Variants in MARCHF3 observed in about 807,000 individuals in gnomAD.
MARCHF3 encodes E3 ubiquitin-protein ligase MARCHF3.
A neutral mutation model predicts 24.2 loss-of-function variants in MARCHF3; 13 were observed. The observed-to-expected ratio is 0.54, with a 90% CI of 0.35 to 0.85. The LOEUF (loss-of-function observed/expected upper bound fraction) is 0.85. Among genes scored for constraint, MARCHF3 ranks in the 40% least tolerant of loss-of-function variants. The pLI, the probability that MARCHF3 is intolerant of heterozygous loss-of-function variation, is 0.01. For synonymous variants in MARCHF3, 144 were observed against 137.3 expected, an observed-to-expected ratio of 1.05 and a Z score of -0.34; for missense variants, 276 against 325.0, an observed-to-expected ratio of 0.85 and a Z score of 1.16.
At chr5:126,961,080 T>A (rs1329779485) in intron 1 of MARCHF3, among the ~76,000 whole-genome samples, 2 of 152,116 alleles carry the variant, frequency 1.3e-5, no homozygotes. Flanking sequence ...GATAATAAGA[T>A]GAGGTGTTAG....
intron 1 of MARCHF3, among the ~76,000 whole-genome samples, 155 bp from the exon 2 acceptor site, chr5:126,918,382 G>GCACACA (rs112284753): frequency 1.5e-4 from 22 of 149,530 alleles, no homozygotes; most frequent in African/African-American, 5.4e-4. Flanking sequence ...TAATACAAGT[G>GCACACA]CACACACACA....
intron 3 of MARCHF3, among the ~76,000 whole-genome samples, chr5:126,909,462 A>T (rs1481144604): frequency 1.3e-5 from 2 of 152,202 alleles, no homozygotes. Context: ...CTGTGCTAGC[A>T]ATCAGCGACA....
At chr5:127,015,446 G>A (rs1363269951) in intron 1 of MARCHF3, among the ~76,000 whole-genome samples, 1 of 152,192 alleles carries the variant, frequency 6.6e-6, no homozygotes, top group Non-Finnish European at 1.5e-5. Context: ...AAGTCACACT[G>A]CAAGCCCCAG....
chr5:127,002,770 A>G (rs1035389000), intron 1 of MARCHF3, among the ~76,000 whole-genome samples: 2 of 152,208 alleles, frequency 1.3e-5, no homozygotes, highest in African/African-American at 2.4e-5. Flanking sequence ...TCCCTTTGAC[A>G]TGTTTAACGT....
chr5:126,934,862 G>C (rs1212658763), intron 1 of MARCHF3, among the ~76,000 whole-genome samples: 1 of 152,138 alleles, frequency 6.6e-6, no homozygotes, highest in African/African-American at 2.4e-5. Flanking sequence ...TGTCTACCAG[G>C]CCCAGGTCCC....
At chr5:126,922,344 C>T (rs891754428) in intron 1 of MARCHF3, among the ~76,000 whole-genome samples, 4 of 151,894 alleles carry the variant, frequency 2.6e-5, no homozygotes, top group Non-Finnish European at 5.9e-5. Flanking sequence ...GATACTAACA[C>T]ATCCTGAGCC....
Position 126,918,209 on chromosome 5 carries a change from A to G in MARCHF3, c.-38T>C. On this transcript the variant is annotated 5_prime_UTR_variant, in exon 2 of 5. It removes an upstream start codon present in the reference 5' UTR. Transcript: ENST00000308660. ...CAATTACTCTGCTAATGGCTTCCACATTCATACAGGATTTCCATCTAAGAG... is the reference window on the plus strand; with the variant it reads ...CAATTACTCTGCTAATGGCTTCCACGTTCATACAGGATTTCCATCTAAGAG... The G allele has an allele frequency of 6.3e-7, 1 of 1,585,660 alleles. No homozygotes were observed. Among genetic ancestry groups the G allele is most frequent in the Non-Finnish European group, 8.6e-7 (1 of 1,165,332 alleles).
chr5:126,999,637 A>AG (rs1233158052), intron 1 of MARCHF3, among the ~76,000 whole-genome samples: 2 of 152,292 alleles, frequency 1.3e-5, no homozygotes, highest in South Asian at 2.1e-4. Flanking sequence ...TGGCCACTTT[A>AG]GGGGGGCAGA....
intron 1 of MARCHF3, among the ~76,000 whole-genome samples, chr5:126,944,855 T>C (rs1296615914): frequency 6.6e-6 from 1 of 152,232 alleles, no homozygotes; most frequent in Non-Finnish European, 1.5e-5. Context: ...AGGTATTTTA[T>C]ATCTTGTGAG....
intron 1 of MARCHF3, among the ~76,000 whole-genome samples, chr5:126,933,451 T>G: frequency 6.6e-6 from 1 of 151,624 alleles, no homozygotes; most frequent in Non-Finnish European, 1.5e-5. Context: ...ATCTCTTTTT[T>G]TTTTTTTTTT....
intron 1 of MARCHF3, among the ~76,000 whole-genome samples, chr5:126,922,304 T>C (rs901560541): frequency 3.9e-5 from 6 of 152,276 alleles, no homozygotes; most frequent in Admixed American, 3.9e-4. Flanking sequence ...CTCAGACTTT[T>C]CCTGAGATTT....
At chr5:126,906,649 G>A (rs1356619705) in intron 3 of MARCHF3, among the ~76,000 whole-genome samples, 1 of 152,036 alleles carries the variant, frequency 6.6e-6, no homozygotes, top group Non-Finnish European at 1.5e-5. Flanking sequence ...TATTTCTGTG[G>A]GATCAGTGGT....
At chr5:126,981,912 T>C (rs1485315370) in intron 1 of MARCHF3, among the ~76,000 whole-genome samples, 1 of 152,234 alleles carries the variant, frequency 6.6e-6, no homozygotes, top group African/African-American at 2.4e-5. Context: ...AGAATTCCTA[T>C]ACTGGAATAT....
intron 3 of MARCHF3, among the ~76,000 whole-genome samples, chr5:126,909,056 G>T (rs1166033579): frequency 6.6e-6 from 1 of 152,192 alleles, no homozygotes; most frequent in Non-Finnish European, 1.5e-5. Context: ...ACCCTCAGCT[G>T]CAGGTCTGTT....
chr5:126,941,285 G>A (rs536424891), intron 1 of MARCHF3, among the ~76,000 whole-genome samples: 129 of 152,240 alleles, frequency 8.5e-4, no homozygotes, highest in Non-Finnish European at 1.5e-3. Context: ...CATAAAAAGC[G>A]AGGTCTCTGT....
chr5:126,967,636 C>T (rs994039390), intron 1 of MARCHF3, among the ~76,000 whole-genome samples: 12 of 152,056 alleles, frequency 7.9e-5, no homozygotes, highest in African/African-American at 2.9e-4. Context: ...GAGGTTGCAG[C>T]GAGCCGAGAT....
intron 3 of MARCHF3, among the ~76,000 whole-genome samples, chr5:126,896,121 G>A (rs1377330652): frequency 2.0e-5 from 3 of 152,198 alleles, no homozygotes; most frequent in Non-Finnish European, 4.4e-5. Flanking sequence ...GGAACTCCCT[G>A]ACCCCTTGCG....
intron 3 of MARCHF3, among the ~76,000 whole-genome samples, chr5:126,879,130 G>C (rs1753269094): frequency 6.6e-6 from 1 of 152,188 alleles, no homozygotes; most frequent in Admixed American, 6.5e-5. Flanking sequence ...CTTCGCCCAT[G>C]TTGTCACAAA....
At chr5:126,967,301 T>G (rs1187254395) in intron 1 of MARCHF3, among the ~76,000 whole-genome samples, 6 of 152,138 alleles carry the variant, frequency 3.9e-5, no homozygotes, top group Non-Finnish European at 7.3e-5. Context: ...ATACACGATA[T>G]GCGATTCTTG....
Sources: gnomAD v4.1 joint callset for allele counts (sites outside exome capture counted in the v4.1 genomes callset) on GRCh38, gnomAD v4.1.1 for gene constraint, MANE v1.5 for transcripts, NCBI Gene and HGNC (gene_info 2026-07-23, HGNC 2026-07-21) for gene names.